The following CD96 variants were observed in gnomAD, a reference collection of about 807,000 sequenced individuals.
CD96 encodes the protein CD96 molecule, also known as T-cell surface protein tactile.
Under a neutral mutation model 71.3 loss-of-function variants are expected in CD96, and 70 were observed. The ratio of observed to expected loss-of-function variants is 0.98; its 90% confidence interval spans 0.81 to 1.20. CD96 has a LOEUF of 1.20. Among genes scored for constraint, CD96 ranks in the 50% most tolerant of loss-of-function variants. The pLI is 0.00. For synonymous variants in CD96, 248 were observed against 233.0 expected (o/e 1.06, Z -0.59); for missense variants, 742 against 677.5 (o/e 1.10, Z -1.06).
chr3:111,562,337 C>T (rs1228804310), intron 2 of CD96, among the ~76,000 whole-genome samples: 1 of 152,122 alleles, frequency 6.6e-6, no homozygotes, highest in Non-Finnish European at 1.5e-5. Context: ...ATCCCTGATT[C>T]CTCCATGTCT....
chr3:111,551,660 C>T (rs898492730), intron 2 of CD96, among the ~76,000 whole-genome samples: 17 of 152,068 alleles, frequency 1.1e-4, no homozygotes, highest in African/African-American at 4.1e-4. Flanking sequence ...ATCATTCCAT[C>T]ACCCAGGTAT....
At chr3:111,569,508 G>C (rs1576330494) in intron 3 of CD96, among the ~76,000 whole-genome samples, 1 of 152,194 alleles carries the variant, frequency 6.6e-6, no homozygotes, top group Admixed American at 6.5e-5. Context: ...CAGGAGGACA[G>C]AAATGTACTA....
At chr3:111,622,704 G>A (rs934922045) in intron 8 of CD96, among the ~76,000 whole-genome samples, 8 of 152,154 alleles carry the variant, frequency 5.3e-5, no homozygotes, top group African/African-American at 1.9e-4. Context: ...ATATTTTATA[G>A]GATACTTTAC....
chr3:111,654,726 G>T (rs1009357335), downstream of CD96, among the ~76,000 whole-genome samples: 1 of 152,238 alleles, frequency 6.6e-6, no homozygotes, highest in Non-Finnish European at 1.5e-5. Flanking sequence ...GCTACCCTGG[G>T]TGAATGCCAC....
At chr3:111,635,870 T>C (rs1425360609) in intron 10 of CD96, among the ~76,000 whole-genome samples, 1 of 152,212 alleles carries the variant, frequency 6.6e-6, no homozygotes, top group Non-Finnish European at 1.5e-5. Context: ...CATACCATAT[T>C]GAGCAAAAAA....
chr3:111,585,480 G>A, intron 5 of CD96, 102 bp downstream of exon 5: 1 of 768,512 alleles, frequency 1.3e-6, no homozygotes, highest in South Asian at 1.4e-5. Flanking sequence ...TTACTCCTTG[G>A]CCCTTGACCA....
At chr3:111,571,105 C>T (rs958523151) in intron 3 of CD96, 6 of 759,996 alleles carry the variant, frequency 7.9e-6, no homozygotes, top group Non-Finnish European at 1.4e-5. Flanking sequence ...GGGCATCCCT[C>T]TGAATCCAGG....
At chr3:111,585,799 A>G (rs1416988228) in intron 5 of CD96, among the ~76,000 whole-genome samples, 1 of 152,086 alleles carries the variant, frequency 6.6e-6, no homozygotes, top group Non-Finnish European at 1.5e-5. Flanking sequence ...TTTCAAAGTG[A>G]CAGGAGGAGA....
chr3:111,550,705 C>A (rs907711863), intron 2 of CD96, among the ~76,000 whole-genome samples: 1 of 152,034 alleles, frequency 6.6e-6, no homozygotes, highest in Non-Finnish European at 1.5e-5. Context: ...ACAAAACCAT[C>A]TTCAGCTAGA....
intron 10 of CD96, among the ~76,000 whole-genome samples, chr3:111,629,442 G>T (rs2107729544): frequency 6.6e-6 from 1 of 152,212 alleles, no homozygotes; most frequent in Non-Finnish European, 1.5e-5. Flanking sequence ...AATGGTAAAT[G>T]GTTCAATTCA....
At position 111,545,302 on chromosome 3, in the gene CD96, G is replaced by A. The variant is rs1934334967; in HGVS notation, c.318G>A (p.Arg106=). 6.2e-7 allele frequency: 1 copy of A among 1,613,964 alleles called. No homozygotes were observed. Among genetic ancestry groups the A allele is most frequent in the African/African-American group, 1.3e-5 (1 of 74,930 alleles). ...GGTCAAAATGGACTCTGCACTTAAG[G>A]AATATGTCTTGTTCAGTCAGTGGAA... The part of the protein sequence containing the change: ...ENGSKWTLHL[R]NMSCSVSGRY... The change falls in exon 2 of 14, where the codon AGG becomes AGA. Residue 106 remains arginine (R), a synonymous_variant. Coordinates refer to ENST00000352690, the MANE Select transcript of CD96 (RefSeq NM_005816.5).
intron 2 of CD96, among the ~76,000 whole-genome samples, chr3:111,554,489 A>G (rs542672330): frequency 1.3e-5 from 2 of 152,122 alleles, no homozygotes; most frequent in East Asian, 3.9e-4. Context: ...GTCTGTTCCT[A>G]TGTCTATTTT....
intron 5 of CD96, among the ~76,000 whole-genome samples, chr3:111,595,648 C>T (rs866666548): frequency 1.3e-5 from 2 of 151,336 alleles, no homozygotes; most frequent in Non-Finnish European, 2.9e-5. Flanking sequence ...GTAAAGCAAG[C>T]GATTTGAAGG....
intron 14 of CD96, among the ~76,000 whole-genome samples, chr3:111,661,906 G>A (rs745442281): frequency 6.6e-6 from 1 of 152,198 alleles, no homozygotes; most frequent in Non-Finnish European, 1.5e-5. Flanking sequence ...TGCCCCAGTG[G>A]GGACTATGTA....
intron 10 of CD96, among the ~76,000 whole-genome samples, chr3:111,633,288 G>A (rs997268091): frequency 4.6e-5 from 7 of 152,068 alleles, no homozygotes; most frequent in Non-Finnish European, 1.0e-4. Flanking sequence ...CATCTTCTAC[G>A]GGTGCAGTTT....
intron 14 of CD96, among the ~76,000 whole-genome samples, chr3:111,662,247 A>C (rs959009433): frequency 1.3e-5 from 2 of 152,224 alleles, no homozygotes; most frequent in African/African-American, 4.8e-5. Flanking sequence ...CCCTGGGCCT[A>C]GCCCAGGAAA....
chr3:111,612,029 G>A (rs1937968927), intron 8 of CD96, among the ~76,000 whole-genome samples: 1 of 152,180 alleles, frequency 6.6e-6, no homozygotes. Context: ...GTATTGTCCA[G>A]TTAATGTCAC....
chr3:111,661,857 G>A (rs549568032), intron 14 of CD96, among the ~76,000 whole-genome samples: 2 of 152,330 alleles, frequency 1.3e-5, no homozygotes, highest in South Asian at 4.1e-4. Context: ...TCTGGGGCCT[G>A]GAGAACAGTA....
At chr3:111,617,121 G>A (rs1481069939) in intron 8 of CD96, among the ~76,000 whole-genome samples, 3 of 152,358 alleles carry the variant, frequency 2.0e-5, no homozygotes, top group African/African-American at 7.2e-5. Context: ...AGCACAGGAA[G>A]GAGGCAGCAG....
Sources: gnomAD v4.1 joint callset for allele counts (sites outside exome capture counted in the v4.1 genomes callset) on GRCh38, gnomAD v4.1.1 for gene constraint, MANE v1.5 for transcripts, NCBI Gene and HGNC (gene_info 2026-07-23, HGNC 2026-07-21) for gene names.